LAPTM4A: variants seen among roughly 807,000 people sequenced by gnomAD.
The protein encoded by LAPTM4A is lysosomal protein transmembrane 4 alpha.
LAPTM4A carries 19 observed loss-of-function variants against 29.9 expected under a neutral mutation model. That is an observed-to-expected ratio of 0.64 (90% confidence interval 0.44 to 0.93). The LOEUF is 0.93. Among genes scored for constraint, LAPTM4A ranks in the 40% least tolerant of loss-of-function variants. The probability of loss-of-function intolerance (pLI) is 0.00; values close to 1 mark genes in which losing one functional copy is unlikely to be tolerated. For synonymous variants in LAPTM4A, 105 were observed against 102.1 expected, an observed-to-expected ratio of 1.03 and a Z score of -0.17; for missense variants, 293 against 288.5, an observed-to-expected ratio of 1.02 and a Z score of -0.11.
intron 1 of LAPTM4A, among the ~76,000 whole-genome samples, chr2:20,045,912 A>G (rs1470898609): frequency 1.3e-5 from 2 of 152,216 alleles, no homozygotes; most frequent in African/African-American, 4.8e-5. Flanking sequence ...AGGGCTTCCC[A>G]TGCAGAGAAA....
In LAPTM4A at chr2:20,047,621, C is replaced by T. The variant is rs1481701288; in HGVS notation, c.111+3789G>A. 4.7e-5 allele frequency among the ~76,000 whole-genome samples: 7 copies of T among 148,684 alleles called. No homozygotes were observed. In the South Asian group the frequency reaches 1.1e-3, roughly 23 times the overall value. ...AGGAGAATGGCGTGAACCCGGGAAG[C>T]GGAGCTTGCAGTGAGCCGAGATTGC... is the stretch of plus-strand genomic sequence containing the variant. On this transcript the variant is annotated intron_variant, in intron 1 of 6. Coordinates refer to ENST00000175091, the MANE Select transcript of LAPTM4A (RefSeq NM_014713.5).
intron 2 of LAPTM4A, among the ~76,000 whole-genome samples, chr2:20,038,514 CTCCCAGGTTCA>C (rs1673728921): frequency 6.6e-6 from 1 of 152,130 alleles, no homozygotes; most frequent in Non-Finnish European, 1.5e-5. Flanking sequence ...CAACCTCAAC[CTCCCAGGTTCA>C]TGTGATTCTC....
At chr2:20,040,032 G>A (rs982769533) in intron 2 of LAPTM4A, among the ~76,000 whole-genome samples, 1 of 151,964 alleles carries the variant, frequency 6.6e-6, no homozygotes, top group African/African-American at 2.4e-5. Flanking sequence ...GGCAACAAGC[G>A]CAAAACTCTG....
Position 20,051,423 on chromosome 2 carries a change from C to T in LAPTM4A, c.98G>A (p.Gly33Glu). The change falls in exon 1 of 7, where the codon GGG (glycine) becomes GAG (glutamate). Residue 33 changes from glycine to glutamate, a missense_variant. Transcript: ENST00000175091. The part of the protein sequence containing the change: ...CHVRTGTIIL[G>E]TWYMVVNLLM... Reference sequence around the variant, plus strand: ...TGCCCGCCTTACCATGTACCAGGTCCCCAGGATGATCGTCCCGGTGCGGAC... The same window carrying T: ...TGCCCGCCTTACCATGTACCAGGTCTCCAGGATGATCGTCCCGGTGCGGAC... 1 of 1,612,228 alleles carries T rather than the reference C, an allele frequency of 6.2e-7. No individual in the cohort carries two copies. Among genetic ancestry groups the T allele is most frequent in the Non-Finnish European group, 8.5e-7 (1 of 1,178,546 alleles).
intron 1 of LAPTM4A, among the ~76,000 whole-genome samples, chr2:20,045,494 A>G (rs554905314): frequency 1.3e-5 from 2 of 152,204 alleles, no homozygotes; most frequent in South Asian, 4.1e-4. Flanking sequence ...TTAAATTATT[A>G]ACTTCTAAAC....
rs371002353 is a variant in LAPTM4A at position 20,045,916 on chromosome 2, A to T, written c.112-4905T>A. 2.0e-5 allele frequency among the ~76,000 whole-genome samples: 3 copies of T among 152,360 alleles called. No homozygotes were observed. The South Asian group carries it at 6.2e-4, about 32-fold the overall frequency. On this transcript the variant is annotated intron_variant, in intron 1 of 6. Transcript: ENST00000175091. ...GCATCCAGATAAGGGCTTCCCATGC[A>T]GAGAAAGCACCCACAGGAGGGTCAA... is the stretch of plus-strand genomic sequence containing the variant.
At chr2:20,047,149 G>T (rs901411598) in intron 1 of LAPTM4A, among the ~76,000 whole-genome samples, 18 of 151,846 alleles carry the variant, frequency 1.2e-4, no homozygotes, top group African/African-American at 4.4e-4. Context: ...CAGCACTTTG[G>T]GAGGCCAAGG....
At chr2:20,041,530 G>A (rs190560286) in intron 1 of LAPTM4A, among the ~76,000 whole-genome samples, 10 of 152,172 alleles carry the variant, frequency 6.6e-5, no homozygotes, top group African/African-American at 2.4e-4. Context: ...GTGTGTGTGT[G>A]TATGTGTATG....
In LAPTM4A at chr2:20,037,961, T is replaced by G. The variant is rs1200281615; in HGVS notation, c.233-347A>C. Among the ~76,000 whole-genome samples, 5 of 152,126 alleles carry G rather than the reference T, an allele frequency of 3.3e-5. No individual in the cohort carries two copies. The East Asian group carries it at 7.7e-4, about 23-fold the overall frequency. ...GTGCAAACAGATCATTATAATCCAATGTGTCAAGTGCTACAACAGAGGCAG... is the reference window on the plus strand; with the variant it reads ...GTGCAAACAGATCATTATAATCCAAGGTGTCAAGTGCTACAACAGAGGCAG... On this transcript the variant is annotated intron_variant, in intron 2 of 6. Coordinates refer to ENST00000175091, the MANE Select transcript of LAPTM4A (RefSeq NM_014713.5).
chr2:20,040,045 T>C lies in LAPTM4A; in HGVS notation c.232+846A>G, dbSNP rs184191889. ...TGGGCAACAAGCGCAAAACTCTGTC[T>C]CAAAAAAAAAGAAAGGCATTTATCC... On this transcript the variant is annotated intron_variant, in intron 2 of 6. Coordinates refer to ENST00000175091, the MANE Select transcript of LAPTM4A (RefSeq NM_014713.5). Among the ~76,000 whole-genome samples, 779 of 151,874 alleles carry C rather than the reference T, an allele frequency of 5.1e-3. 1 individual carries two copies. The highest frequency in any genetic ancestry group is 7.4e-3 in the Non-Finnish European group (501 of 67,920).
At chr2:20,037,484 TTA>T (rs779374966) in intron 3 of LAPTM4A, 46 bp from the exon 4 acceptor site, 15 of 1,602,180 alleles carry the variant, frequency 9.4e-6, no homozygotes, top group Non-Finnish European at 1.3e-5. Context: ...ATATAGGAAA[TTA>T]CTAAGCTCCC....
Position 20,040,901 on chromosome 2 carries a change from C to T in LAPTM4A, c.222G>A (p.Glu74=), listed in dbSNP as rs1171749108. The T allele has an allele frequency of 1.2e-6, 2 of 1,613,520 alleles. No individual in the cohort carries two copies. The highest frequency in any genetic ancestry group is 1.7e-6 in the Non-Finnish European group (2 of 1,179,652). Residue 74 remains glutamate (E), a synonymous_variant, in exon 2 of 7, where the codon GAG becomes GAA. Transcript: ENST00000175091. Reference sequence around the variant, plus strand: ...CTATTAAACACATACCAGCCATTCTCTCAGACGAATAGTAATTACCGATGA... The same window carrying T: ...CTATTAAACACATACCAGCCATTCTTTCAGACGAATAGTAATTACCGATGA... ...YEVIGNYYSS[E]RMADNACVLF...
chr2:20,049,633 A>G (rs1674008764), intron 1 of LAPTM4A, among the ~76,000 whole-genome samples: 1 of 152,228 alleles, frequency 6.6e-6, no homozygotes, highest in Admixed American at 6.5e-5. Context: ...ACTGAAAAGA[A>G]ATACAGCCAA....
chr2:20,044,230 G>A (rs1354767605), intron 1 of LAPTM4A, among the ~76,000 whole-genome samples: 1 of 152,116 alleles, frequency 6.6e-6, no homozygotes, highest in East Asian at 1.9e-4. Context: ...ATACAACTAG[G>A]TGAATTAATT....
intron 1 of LAPTM4A, among the ~76,000 whole-genome samples, chr2:20,043,443 T>C (rs1673849758): frequency 6.6e-6 from 1 of 152,188 alleles, no homozygotes; most frequent in South Asian, 2.1e-4. Flanking sequence ...CTCAAACTCC[T>C]GACCTCAAGT....
At chr2:20,040,457 G>T (rs1302302802) in intron 2 of LAPTM4A, among the ~76,000 whole-genome samples, 1 of 152,164 alleles carries the variant, frequency 6.6e-6, no homozygotes, top group Non-Finnish European at 1.5e-5. Flanking sequence ...TTTCTGAAAT[G>T]TAACTTAAGC....
chr2:20,049,061 TCTC>T (rs747545263), intron 1 of LAPTM4A, among the ~76,000 whole-genome samples: 30 of 152,320 alleles, frequency 2.0e-4, no homozygotes, highest in African/African-American at 6.3e-4. Context: ...CTGATCACCT[TCTC>T]CTCCTCCTCA....
chr2:20,038,795 T>C (rs563750560), intron 2 of LAPTM4A, among the ~76,000 whole-genome samples: 2 of 152,032 alleles, frequency 1.3e-5, no homozygotes, highest in South Asian at 2.1e-4. Flanking sequence ...CTGGGCAATA[T>C]AGCAAGACCC....
In LAPTM4A at chr2:20,034,407, T is replaced by C. The variant is rs749330897; in HGVS notation, c.537A>G (p.Leu179=). 3 of 1,609,648 alleles carry C rather than the reference T, an allele frequency of 1.9e-6. No homozygotes were observed. The highest frequency in any genetic ancestry group is 4.5e-5 in the East Asian group (2 of 44,858). ...TATAGCAGTTCCAAACACAGTTAAT[T>C]AGATAAGCCTGGAAGAATAAAAACA... ...FALFIIFKAY[L]INCVWNCYKY... is the part of the protein sequence containing the mutation. The change falls in exon 6 of 7, where the codon CTA becomes CTG. Residue 179 remains leucine, a synonymous_variant. Transcript: ENST00000175091.
Sources: allele counts gnomAD v4.1 joint callset (sites outside exome capture counted in the v4.1 genomes callset), GRCh38; gene constraint gnomAD v4.1.1; transcripts MANE v1.5; gene names NCBI Gene and HGNC (gene_info 2026-07-23, HGNC 2026-07-21).